PAWR: variants seen among roughly 807,000 people sequenced by gnomAD.
PAWR encodes the protein PRKC apoptosis WT1 regulator protein.
A neutral mutation model predicts 32.0 loss-of-function variants in PAWR; 23 were observed. The ratio of observed to expected loss-of-function variants is 0.72; its 90% confidence interval spans 0.52 to 1.02. The LOEUF (loss-of-function observed/expected upper bound fraction) is 1.02. Among genes scored for constraint, PAWR ranks in the 50% least tolerant of loss-of-function variants. The pLI, the probability that PAWR is intolerant of heterozygous loss-of-function variation, is 0.00. For synonymous variants in PAWR, 226 were observed against 187.1 expected (o/e 1.21, Z -1.70); for missense variants, 457 against 437.7 (o/e 1.04, Z -0.39).
chr12:79,613,958 T>C (rs1566002575), intron 3 of PAWR, among the ~76,000 whole-genome samples: 8 of 7,502 alleles, frequency 1.1e-3, no homozygotes, highest in African/African-American at 5.3e-3. Flanking sequence ...TATATATATA[T>C]ATATATATAT....
At chr12:79,614,830 TACAG>T (rs1874648061) in intron 3 of PAWR, among the ~76,000 whole-genome samples, 2 of 152,186 alleles carry the variant, frequency 1.3e-5, no homozygotes, top group African/African-American at 4.8e-5. Flanking sequence ...GGGGAACCAG[TACAG>T]CAAACCATAT....
At chr12:79,683,537 C>G (rs1445923273) in intron 2 of PAWR, among the ~76,000 whole-genome samples, 1 of 151,780 alleles carries the variant, frequency 6.6e-6, no homozygotes, top group East Asian at 1.9e-4. Context: ...TAGAGATGGT[C>G]CCCCCAGAAA....
chr12:79,632,929 T>A (rs911964718), intron 2 of PAWR, among the ~76,000 whole-genome samples: 2 of 151,534 alleles, frequency 1.3e-5, no homozygotes, highest in Non-Finnish European at 2.9e-5. Context: ...AGGCCAGGAG[T>A]TCGAGACCAG....
At chr12:79,668,339 T>G (rs1877713166) in intron 2 of PAWR, 1 of 152,300 alleles carries the variant, frequency 6.6e-6, no homozygotes, top group Non-Finnish European at 1.5e-5. Context: ...GTGCTGTTTC[T>G]GCTTCACGAA....
At chr12:79,607,814 T>C (rs1042599406) in intron 4 of PAWR, among the ~76,000 whole-genome samples, 1 of 151,840 alleles carries the variant, frequency 6.6e-6, no homozygotes, top group African/African-American at 2.4e-5. Context: ...CAAGGAAGTT[T>C]GTGTCTACTT....
At chr12:79,688,750 A>C (rs369240086) in intron 2 of PAWR, among the ~76,000 whole-genome samples, 12 of 152,366 alleles carry the variant, frequency 7.9e-5, no homozygotes, top group Admixed American at 7.8e-4. Context: ...AAAGTTGAGT[A>C]AAATTAGAAA....
intron 2 of PAWR, among the ~76,000 whole-genome samples, chr12:79,624,353 G>T (rs1186340033): frequency 6.6e-6 from 1 of 152,060 alleles, no homozygotes; most frequent in Non-Finnish European, 1.5e-5. Flanking sequence ...AAAACACTCG[G>T]TAAATGTTTC....
chr12:79,624,887 T>TTATATATA (rs1332718557), intron 2 of PAWR, among the ~76,000 whole-genome samples: 1 of 152,192 alleles, frequency 6.6e-6, no homozygotes, highest in Non-Finnish European at 1.5e-5. Context: ...TTAGAAAGGC[T>TTATATATA]TATATATATA....
intron 2 of PAWR, among the ~76,000 whole-genome samples, chr12:79,666,894 A>C (rs1046201818): frequency 3.3e-5 from 5 of 152,234 alleles, no homozygotes; most frequent in Admixed American, 2.6e-4. Flanking sequence ...CTTAAGGCTG[A>C]AAAGTTTGGT....
rs1220453183 is a variant in PAWR, at chr12:79,645,069, A to ACAC, written c.517-23863_517-23862insGTG. On this transcript the variant is annotated intron_variant, in intron 2 of 6. Coordinates refer to ENST00000328827, the MANE Select transcript of PAWR (RefSeq NM_002583.4). ...ACACACACACACACACACACACACA[A>ACAC]AAATCAATGTGGAATAGGAAATGAG... Among the ~76,000 whole-genome samples the ACAC allele has an allele frequency of 1.6e-4, 20 of 124,804 alleles. No homozygotes were observed. The South Asian group carries it at 2.5e-3, about 15-fold the overall frequency. 81.9% of individuals were successfully genotyped at this position (124,804 alleles called of 152,430 possible).
At chr12:79,659,804 C>A (rs1393789975) in intron 2 of PAWR, among the ~76,000 whole-genome samples, 2 of 151,954 alleles carry the variant, frequency 1.3e-5, no homozygotes, top group Non-Finnish European at 2.9e-5. Flanking sequence ...TGTTGCCCAT[C>A]CTGTTTAATT....
chr12:79,588,940 A>T lies in PAWR; in HGVS notation c.*3667T>A, dbSNP rs1259080994. The T allele has an allele frequency of 6.6e-6, 1 of 152,038 alleles. No homozygotes were observed. The highest frequency in any genetic ancestry group is 1.9e-4 in the East Asian group (1 of 5,196). The allele number at this position is 152,038 out of a possible 1,614,324, so 9.4% of individuals were successfully genotyped here. A position where few individuals can be genotyped will look rare whatever the true frequency, so the allele number is the denominator to read the frequency against. Reference sequence around the variant, plus strand: ...GCCTTAGTTGATGTGCCTGATAAGCAAACTGTTAGTTGTCTATTAGTATTA... The same window carrying T: ...GCCTTAGTTGATGTGCCTGATAAGCTAACTGTTAGTTGTCTATTAGTATTA... On this transcript the variant is annotated 3_prime_UTR_variant, in exon 7 of 7. Transcript: ENST00000328827.
chr12:79,637,809 TAAAAAA>T (rs1223198176), intron 2 of PAWR, among the ~76,000 whole-genome samples: 1 of 151,530 alleles, frequency 6.6e-6, no homozygotes, highest in Admixed American at 6.6e-5. Context: ...ATTAACATCT[TAAAAAA>T]AAGAAAAAAG....
At chr12:79,600,800 G>A (rs1388287897) in intron 4 of PAWR, among the ~76,000 whole-genome samples, 1 of 151,944 alleles carries the variant, frequency 6.6e-6, no homozygotes, top group Non-Finnish European at 1.5e-5. Context: ...ACATTTTTGG[G>A]TTACAAATGA....
intron 2 of PAWR, among the ~76,000 whole-genome samples, chr12:79,654,283 A>G (rs1876991192): frequency 6.6e-6 from 1 of 152,170 alleles, no homozygotes; most frequent in Non-Finnish European, 1.5e-5. Flanking sequence ...GGGCTTGTCA[A>G]TCTAATGGTT....
rs1050404493 is a variant in PAWR at position 79,585,956 on chromosome 12, C to T, written c.*6651G>A. ...GCATGAGCCACTGCACCTAGCCAGG[C>T]ATATTGGTTTTAAAAGGGTTACAAG... On this transcript the variant is annotated 3_prime_UTR_variant, in exon 7 of 7. Transcript: ENST00000328827. 2 of 152,182 alleles carry T rather than the reference C, an allele frequency of 1.3e-5. No homozygotes were observed. Among genetic ancestry groups the T allele is most frequent in the Admixed American group, 1.3e-4 (2 of 15,278 alleles). 9.4% of individuals were successfully genotyped at this position (152,182 alleles called of 1,614,324 possible).
intron 4 of PAWR, among the ~76,000 whole-genome samples, chr12:79,608,350 T>C (rs1340819491): frequency 6.6e-6 from 1 of 152,148 alleles, no homozygotes; most frequent in Non-Finnish European, 1.5e-5. Context: ...CCACCTCAGA[T>C]CATCAGGCAT....
rs144358500 is a variant in PAWR at position 79,644,746 on chromosome 12, C to T, written c.517-23539G>A. On this transcript the variant is annotated intron_variant, in intron 2 of 6. Coordinates refer to ENST00000328827, the MANE Select transcript of PAWR (RefSeq NM_002583.4). ...ACTTTACCTGAAGTCTAAACTGAAA[C>T]TAGGCTTTAAAATTCCCTTAGATTC... Among the ~76,000 whole-genome samples, 620 of 152,160 alleles carry T rather than the reference C, an allele frequency of 4.1e-3. 11 individuals are homozygous for T. The highest frequency in any genetic ancestry group is 0.014 in the African/African-American group (588 of 41,530).
At position 79,632,312 on chromosome 12, in the gene PAWR, C is replaced by CATATATATATATATATAT. The variant is rs71091677; in HGVS notation, c.517-11123_517-11106dup. On this transcript the variant is annotated intron_variant, in intron 2 of 6. Coordinates refer to ENST00000328827, the MANE Select transcript of PAWR (RefSeq NM_002583.4). ...AAATATATACATATATATATACATA[C>CATATATATATATATATAT]ATATATATATATATATATATATATA... The CATATATATATATATATAT allele has an allele frequency of 2.6e-4, 3 of 11,604 alleles. 1 individual carries two copies. The highest frequency in any genetic ancestry group is 8.6e-3 in the East Asian group (2 of 232). 0.7% of individuals were successfully genotyped at this position (11,604 alleles called of 1,614,324 possible).
Sources: gnomAD v4.1 joint callset for allele counts (sites outside exome capture counted in the v4.1 genomes callset) on GRCh38, gnomAD v4.1.1 for gene constraint, MANE v1.5 for transcripts, NCBI Gene and HGNC (gene_info 2026-07-23, HGNC 2026-07-21) for gene names.